GALNT13: variants seen among roughly 807,000 people sequenced by gnomAD.
The protein encoded by GALNT13 is UDP-GalNAc:polypeptide N-acetylgalactosaminyltransferase 13.
A neutral mutation model predicts 64.2 loss-of-function variants in GALNT13; 28 were observed. The observed-to-expected ratio is 0.44, with a 90% confidence interval of 0.32 to 0.60. GALNT13 has a LOEUF of 0.60. GALNT13 is among the 20% of genes least tolerant of loss of function. The probability of loss-of-function intolerance (pLI) is 0.05; values close to 1 mark genes in which losing one functional copy is unlikely to be tolerated. For synonymous variants in GALNT13, 214 were observed against 224.6 expected (o/e 0.95, Z 0.42); for missense variants, 577 against 669.8 (o/e 0.86, Z 1.53).
At chr2:153,603,980 T>C in the GALNT13 span, among the ~76,000 whole-genome samples, 13 of 152,154 alleles carry the variant, frequency 8.5e-5, no homozygotes, top group African/African-American at 1.4e-4. Flanking sequence ...CACAAATACC[T>C]TCCGTGTTTG....
chr2:153,211,309 A>AT, the GALNT13 span, among the ~76,000 whole-genome samples: 4 of 151,840 alleles, frequency 2.6e-5, no homozygotes, highest in African/African-American at 9.7e-5. Context: ...TGCCCAACTA[A>AT]TTTTTTGTAT....
chr2:153,632,530 C>T, the GALNT13 span, among the ~76,000 whole-genome samples: 1 of 152,130 alleles, frequency 6.6e-6, no homozygotes, highest in Non-Finnish European at 1.5e-5. Context: ...CCTTCCCAAA[C>T]TCCACCCCTT....
chr2:154,021,263 T>C (rs1457746997), intron 3 of GALNT13, among the ~76,000 whole-genome samples: 1 of 152,232 alleles, frequency 6.6e-6, no homozygotes, highest in Admixed American at 6.5e-5. Context: ...TTGATGGGGA[T>C]GGCATTGAAT....
intron 3 of GALNT13, among the ~76,000 whole-genome samples, chr2:154,119,519 C>T (rs1681809348): frequency 6.6e-6 from 1 of 152,156 alleles, no homozygotes; most frequent in Non-Finnish European, 1.5e-5. Context: ...TGATTTCTGG[C>T]TGCTCTTCTC....
the GALNT13 span, among the ~76,000 whole-genome samples, chr2:153,787,703 CA>C: frequency 1.3e-5 from 2 of 152,100 alleles, no homozygotes; most frequent in East Asian, 3.9e-4. Context: ...CACAATAAAA[CA>C]ATACAAGAGC....
the GALNT13 span, among the ~76,000 whole-genome samples, chr2:153,156,259 C>T: frequency 7.9e-5 from 12 of 152,238 alleles, no homozygotes; most frequent in Admixed American, 4.6e-4. Flanking sequence ...TCAGTTGATG[C>T]GGCCACAGCA....
chr2:153,746,205 C>T, the GALNT13 span, among the ~76,000 whole-genome samples: 4 of 152,220 alleles, frequency 2.6e-5, no homozygotes, highest in East Asian at 7.7e-4. Context: ...AACCTGAACA[C>T]ACCTACATAG....
At chr2:153,925,129 G>T (rs1475157739) in intron 2 of GALNT13, among the ~76,000 whole-genome samples, 1 of 152,074 alleles carries the variant, frequency 6.6e-6, no homozygotes, top group Non-Finnish European at 1.5e-5. Context: ...ATCTTGGCCT[G>T]TGCCTATGTC....
At chr2:154,204,286 T>C (rs1687323269) in intron 4 of GALNT13, among the ~76,000 whole-genome samples, 1 of 152,214 alleles carries the variant, frequency 6.6e-6, no homozygotes, top group Non-Finnish European at 1.5e-5. Flanking sequence ...TATTTTTTAA[T>C]TGTATAGTGA....
At chr2:153,770,564 G>A in the GALNT13 span, among the ~76,000 whole-genome samples, 1 of 152,220 alleles carries the variant, frequency 6.6e-6, no homozygotes, top group African/African-American at 2.4e-5. Flanking sequence ...AGTGGGTGGT[G>A]CTCATGGGTA....
At chr2:154,325,239 C>A (rs1239159347) in intron 9 of GALNT13, among the ~76,000 whole-genome samples, 1 of 152,108 alleles carries the variant, frequency 6.6e-6, no homozygotes, top group East Asian at 1.9e-4. Flanking sequence ...ATGAGGCCCT[C>A]CTCACAGGAG....
chr2:153,783,319 TTTG>T, the GALNT13 span, among the ~76,000 whole-genome samples: 1 of 152,146 alleles, frequency 6.6e-6, no homozygotes, highest in Non-Finnish European at 1.5e-5. Context: ...AGAGGTTACA[TTTG>T]TCTTGAAACC....
the GALNT13 span, among the ~76,000 whole-genome samples, chr2:153,817,478 C>G: frequency 6.6e-6 from 1 of 152,188 alleles, no homozygotes; most frequent in Non-Finnish European, 1.5e-5. Context: ...CCTGACCTGT[C>G]TTCAGCAAAA....
intron 3 of GALNT13, among the ~76,000 whole-genome samples, chr2:154,041,262 A>G (rs1471708844): frequency 1.4e-5 from 2 of 140,490 alleles, no homozygotes; most frequent in South Asian, 2.3e-4. Context: ...GAAGACCTCA[A>G]TTGAAGTTTT....
the GALNT13 span, among the ~76,000 whole-genome samples, chr2:153,724,011 A>C: frequency 6.8e-6 from 1 of 147,858 alleles, no homozygotes; most frequent in Non-Finnish European, 1.5e-5. Flanking sequence ...ATCCTAAGCC[A>C]AAAGAACAAA....
rs147746196 is a variant in GALNT13, at chr2:153,976,168, T to C, written c.142+31529T>C. ...TTTACAACCTGTAGAGGATATGTTC[T>C]ATAAAAGTGAAAATTTGTATATCTT... is the stretch of plus-strand genomic sequence containing the variant. On this transcript the variant is annotated intron_variant, in intron 3 of 12. Transcript: ENST00000392825. Among the ~76,000 whole-genome samples, 860 of 152,258 alleles carry C rather than the reference T, an allele frequency of 5.6e-3. 5 individuals carry two copies. The highest frequency in any genetic ancestry group is 8.6e-3 in the Non-Finnish European group (584 of 67,978).
chr2:153,362,098 A>G, the GALNT13 span, among the ~76,000 whole-genome samples: 1 of 152,182 alleles, frequency 6.6e-6, no homozygotes, highest in Admixed American at 6.5e-5. Context: ...TTTTCAACTC[A>G]GAATTTTATA....
chr2:154,165,599 A>T (rs1030236567), intron 4 of GALNT13, among the ~76,000 whole-genome samples: 2 of 152,206 alleles, frequency 1.3e-5, no homozygotes, highest in African/African-American at 4.8e-5. Flanking sequence ...GTTTTCATTA[A>T]TATTTAGAAT....
the GALNT13 span, among the ~76,000 whole-genome samples, chr2:153,251,491 T>C: frequency 2.0e-5 from 3 of 152,084 alleles, no homozygotes; most frequent in Admixed American, 1.3e-4. Flanking sequence ...TTATTATACT[T>C]TAAGTTTTAG....
Sources: allele counts gnomAD v4.1 joint callset (sites outside exome capture counted in the v4.1 genomes callset), GRCh38; gene constraint gnomAD v4.1.1; transcripts MANE v1.5; gene names NCBI Gene and HGNC (gene_info 2026-07-23, HGNC 2026-07-21).